Variants in CTNNA3 observed in about 807,000 individuals in gnomAD.
CTNNA3 encodes catenin alpha 3.
A neutral mutation model predicts 95.7 loss-of-function variants in CTNNA3; 76 were observed. That is an observed-to-expected ratio of 0.79 (90% confidence interval 0.66 to 0.96). The LOEUF (loss-of-function observed/expected upper bound fraction) is 0.96, where lower values mean the gene tolerates loss of function less well. Among genes scored for constraint, CTNNA3 ranks in the 40% least tolerant of loss-of-function variants. The pLI is 0.00. For synonymous variants in CTNNA3, 431 were observed against 374.4 expected (o/e 1.15, Z -1.74); for missense variants, 1,191 against 1,089.8 (o/e 1.09, Z -1.31).
At chr10:67,489,712 G>A (rs1471865190) in intron 5 of CTNNA3, among the ~76,000 whole-genome samples, 2 of 150,544 alleles carry the variant, frequency 1.3e-5, no homozygotes, top group Non-Finnish European at 3.0e-5. Flanking sequence ...GGAAAGAAAG[G>A]GTAGAAATGG....
intron 13 of CTNNA3, among the ~76,000 whole-genome samples, chr10:66,219,997 C>A (rs187026613): frequency 1.1e-4 from 17 of 152,136 alleles, no homozygotes; most frequent in African/African-American, 3.6e-4. Context: ...GTGGTGCGCA[C>A]CTCTAATCCC....
At chr10:66,066,370 T>C (rs1378573322) in intron 15 of CTNNA3, among the ~76,000 whole-genome samples, 2 of 152,186 alleles carry the variant, frequency 1.3e-5, no homozygotes, top group Non-Finnish European at 2.9e-5. Context: ...CATATACATG[T>C]CTATGTTATA....
intron 7 of CTNNA3, among the ~76,000 whole-genome samples, chr10:66,896,500 T>C (rs2132510027): frequency 6.6e-6 from 1 of 152,342 alleles, no homozygotes; most frequent in Admixed American, 6.5e-5. Flanking sequence ...CAACAGGCTG[T>C]GTTCTGATAT....
In CTNNA3 at chr10:65,914,097, T is replaced by C. The variant is rs970526173; in HGVS notation, c.*6233A>G. The C allele has an allele frequency of 2.0e-5, 3 of 152,178 alleles. No individual in the cohort carries two copies. The highest frequency in any genetic ancestry group is 7.2e-5 in the African/African-American group (3 of 41,456). 9.4% of individuals were successfully genotyped at this position (152,178 alleles called of 1,614,324 possible). ...AACTTTGGAACTGGGAATATTTCAT[T>C]TGAAATGAAAACACAAGAACTACTC... On this transcript the variant is annotated 3_prime_UTR_variant, in exon 18 of 18. Transcript: ENST00000433211.
At chr10:66,506,228 T>G (rs1048342917) in intron 11 of CTNNA3, among the ~76,000 whole-genome samples, 5 of 152,176 alleles carry the variant, frequency 3.3e-5, no homozygotes, top group African/African-American at 4.8e-5. Flanking sequence ...CACCTCCCAT[T>G]AGGCACTGCA....
chr10:66,219,903 C>G (rs1009378447), intron 13 of CTNNA3, among the ~76,000 whole-genome samples: 1 of 152,030 alleles, frequency 6.6e-6, no homozygotes, highest in Non-Finnish European at 1.5e-5. Context: ...GCGGGCGGCT[C>G]CTTTGAGGTC....
chr10:66,174,867 T>G (rs1338381261), intron 13 of CTNNA3, among the ~76,000 whole-genome samples: 2 of 152,144 alleles, frequency 1.3e-5, no homozygotes, highest in African/African-American at 4.8e-5. Flanking sequence ...GAGCATGAAC[T>G]TTGTTACATT....
chr10:67,264,976 A>G (rs1165049470), intron 5 of CTNNA3, among the ~76,000 whole-genome samples: 1 of 152,156 alleles, frequency 6.6e-6, no homozygotes, highest in African/African-American at 2.4e-5. Flanking sequence ...TCAAGGGTAA[A>G]TTTTTGAAAT....
At chr10:66,612,442 G>T (rs556079809) in intron 10 of CTNNA3, among the ~76,000 whole-genome samples, 1 of 152,198 alleles carries the variant, frequency 6.6e-6, no homozygotes, top group Non-Finnish European at 1.5e-5. Flanking sequence ...GGCACTAAGG[G>T]CTACAACTTA....
chr10:67,685,471 G>A (rs1217686951), intron 1 of CTNNA3, among the ~76,000 whole-genome samples: 1 of 152,214 alleles, frequency 6.6e-6, no homozygotes, highest in Non-Finnish European at 1.5e-5. Context: ...CTATCGTCCT[G>A]TCCTGAAGGG....
intron 13 of CTNNA3, among the ~76,000 whole-genome samples, chr10:66,178,329 A>G (rs1404667994): frequency 6.7e-6 from 1 of 148,636 alleles, no homozygotes; most frequent in African/African-American, 2.5e-5. Flanking sequence ...ACAGACACAT[A>G]TATATGTGTA....
chr10:66,242,854 T>A (rs2090163029), intron 13 of CTNNA3, among the ~76,000 whole-genome samples: 1 of 152,216 alleles, frequency 6.6e-6, no homozygotes, highest in Non-Finnish European at 1.5e-5. Context: ...TTATTCATAA[T>A]AGTCCATAAA....
At position 67,580,030 on chromosome 10, in the gene CTNNA3, T is replaced by G. The variant is rs564704524; in HGVS notation, c.292+26827A>C. 8.5e-5 allele frequency among the ~76,000 whole-genome samples: 13 copies of G among 152,346 alleles called. No homozygotes were observed. In the South Asian group the frequency reaches 2.1e-3, roughly 24 times the overall value. ...GCCTGTTCACTCTGATGGTAGTTTC[T>G]TCTGCTGTGCGGAAGCTCTTTAGTT... On this transcript the variant is annotated intron_variant, in intron 3 of 17. Transcript: ENST00000433211.
At chr10:66,862,032 T>C (rs556285994) in intron 7 of CTNNA3, among the ~76,000 whole-genome samples, 1 of 152,080 alleles carries the variant, frequency 6.6e-6, no homozygotes, top group African/African-American at 2.4e-5. Context: ...CAGACTGATA[T>C]GGTGAAAAAC....
At chr10:66,924,197 A>T (rs1400831194) in intron 7 of CTNNA3, among the ~76,000 whole-genome samples, 1 of 152,172 alleles carries the variant, frequency 6.6e-6, no homozygotes, top group Non-Finnish European at 1.5e-5. Context: ...TTCACAGCTT[A>T]GGTAACTCTG....
chr10:66,854,574 T>A (rs1843618068), intron 7 of CTNNA3, among the ~76,000 whole-genome samples: 1 of 151,888 alleles, frequency 6.6e-6, no homozygotes, highest in South Asian at 2.1e-4. Context: ...TACCTCCAAC[T>A]GGGAAGATCC....
At chr10:66,270,230 G>C (rs1038468961) in intron 13 of CTNNA3, among the ~76,000 whole-genome samples, 2 of 151,276 alleles carry the variant, frequency 1.3e-5, no homozygotes, top group Non-Finnish European at 2.9e-5. Context: ...TTTTTGGGGG[G>C]GGGGGCAGGG....
chr10:66,057,711 A>G (rs1162549503), intron 15 of CTNNA3, among the ~76,000 whole-genome samples: 2 of 152,170 alleles, frequency 1.3e-5, no homozygotes, highest in Admixed American at 1.3e-4. Context: ...ATCCAATAGG[A>G]AAAAAAGTAA....
chr10:67,556,224 T>C (rs1841245002), intron 3 of CTNNA3, among the ~76,000 whole-genome samples: 1 of 152,198 alleles, frequency 6.6e-6, no homozygotes, highest in Non-Finnish European at 1.5e-5. Context: ...TCTTTTTTTG[T>C]TGTGTCTCTG....
Sources: gnomAD v4.1 joint callset for allele counts (sites outside exome capture counted in the v4.1 genomes callset) on GRCh38, gnomAD v4.1.1 for gene constraint, MANE v1.5 for transcripts, NCBI Gene and HGNC (gene_info 2026-07-23, HGNC 2026-07-21) for gene names.